The following SHB variants were observed in gnomAD, a reference collection of about 807,000 sequenced individuals.
SHB encodes the protein SH2 domain containing adaptor protein B.
A neutral mutation model predicts 52.3 loss-of-function variants in SHB; 20 were observed. That is an observed-to-expected ratio of 0.38 (90% CI 0.27 to 0.56). The LOEUF is 0.56. SHB is among the 20% of genes least tolerant of loss of function. The probability of loss-of-function intolerance (pLI) is 0.71; values close to 1 mark genes in which losing one functional copy is unlikely to be tolerated. For synonymous variants in SHB, 397 were observed against 316.5 expected, an observed-to-expected ratio of 1.25 and a Z score of -2.70; for missense variants, 825 against 723.3, an observed-to-expected ratio of 1.14 and a Z score of -1.61.
chr9:37,943,981 T>C (rs1221400313), intron 5 of SHB, among the ~76,000 whole-genome samples: 1 of 152,164 alleles, frequency 6.6e-6, no homozygotes, highest in Non-Finnish European at 1.5e-5. Flanking sequence ...GGAAACTGTG[T>C]TAAGAGTTTG....
chr9:38,045,894 A>G (rs1821646124), intron 1 of SHB, among the ~76,000 whole-genome samples: 1 of 152,206 alleles, frequency 6.6e-6, no homozygotes, highest in African/African-American at 2.4e-5. Flanking sequence ...ATGGGTATGT[A>G]TAAAACACAG....
chr9:37,923,687 G>A (rs1832210719), intron 5 of SHB, among the ~76,000 whole-genome samples: 1 of 152,246 alleles, frequency 6.6e-6, no homozygotes, highest in Non-Finnish European at 1.5e-5. Flanking sequence ...AAGGAAGCAT[G>A]AGCACTTCTG....
chr9:38,045,575 C>A (rs1033246518), intron 1 of SHB, among the ~76,000 whole-genome samples: 1 of 152,056 alleles, frequency 6.6e-6, no homozygotes, highest in African/African-American at 2.4e-5. Flanking sequence ...TGTGCCACTG[C>A]GCTTCAGCCT....
intron 1 of SHB, among the ~76,000 whole-genome samples, chr9:38,017,191 C>G (rs1353349800): frequency 6.6e-6 from 1 of 152,232 alleles, no homozygotes; most frequent in African/African-American, 2.4e-5. Context: ...TGGGACTTCC[C>G]TCTTGCCCTT....
chr9:38,045,768 G>C (rs972235470), intron 1 of SHB, among the ~76,000 whole-genome samples: 5 of 152,160 alleles, frequency 3.3e-5, no homozygotes, highest in Non-Finnish European at 5.9e-5. Flanking sequence ...TTTGACATGA[G>C]AACGTGGGCA....
chr9:37,956,860 G>A (rs994201012), intron 3 of SHB, among the ~76,000 whole-genome samples: 1 of 152,228 alleles, frequency 6.6e-6, no homozygotes, highest in African/African-American at 2.4e-5. Flanking sequence ...ATCTCATGGG[G>A]ATTAAAGCAG....
rs113432620 is a variant in SHB at position 37,917,165 on chromosome 9, C to G, written c.*2656G>C. Among the ~76,000 whole-genome samples, 1,109 of 152,102 alleles carry G rather than the reference C, an allele frequency of 7.3e-3. 13 individuals carry two copies. The highest frequency in any genetic ancestry group is 0.025 in the African/African-American group (1,048 of 41,492). ...AAGAAAACATGAATACAGGCTGACA[C>G]AGGAAACGGTCACAATTAGAGGAAG... On this transcript the variant is annotated 3_prime_UTR_variant, in exon 6 of 6. Transcript: ENST00000377707.
intron 4 of SHB, among the ~76,000 whole-genome samples, chr9:37,952,919 C>T (rs1452879374): frequency 6.6e-6 from 1 of 152,010 alleles, no homozygotes; most frequent in Non-Finnish European, 1.5e-5. Flanking sequence ...ACGTAGGAGT[C>T]AGGAGCTCTG....
At chr9:38,045,699 T>G (rs1449229983) in intron 1 of SHB, among the ~76,000 whole-genome samples, 1 of 152,008 alleles carries the variant, frequency 6.6e-6, no homozygotes, top group Non-Finnish European at 1.5e-5. Flanking sequence ...CAACGTGAGA[T>G]CCTACACAGC....
chr9:38,051,342 C>T (rs1821737158), intron 1 of SHB, among the ~76,000 whole-genome samples: 1 of 150,790 alleles, frequency 6.6e-6, no homozygotes, highest in African/African-American at 2.4e-5. Context: ...ACTCGGGAGG[C>T]TGAGGCAGGA....
intron 5 of SHB, among the ~76,000 whole-genome samples, chr9:37,926,137 G>A (rs1190106666): frequency 6.6e-6 from 1 of 152,136 alleles, no homozygotes; most frequent in East Asian, 1.9e-4. Flanking sequence ...GGGTGACCAT[G>A]GCAAGGTACC....
At chr9:37,964,140 G>C (rs150970472) in intron 3 of SHB, among the ~76,000 whole-genome samples, 97 of 152,314 alleles carry the variant, frequency 6.4e-4, no homozygotes, top group African/African-American at 2.0e-3. Context: ...ACCAACAAGA[G>C]GCCTCTGTGT....
At chr9:37,980,902 A>G (rs1285784991) in intron 2 of SHB, among the ~76,000 whole-genome samples, 2 of 151,614 alleles carry the variant, frequency 1.3e-5, no homozygotes, top group East Asian at 3.9e-4. Flanking sequence ...TTTTTTCCTT[A>G]AAGTTGGTCT....
At chr9:38,020,955 C>T (rs574169759) in intron 1 of SHB, among the ~76,000 whole-genome samples, 8 of 152,284 alleles carry the variant, frequency 5.3e-5, no homozygotes, top group African/African-American at 1.9e-4. Context: ...CACCCGGCTA[C>T]AGGAAGGGCT....
At chr9:37,970,084 G>A (rs1820573726) in intron 3 of SHB, among the ~76,000 whole-genome samples, 1 of 152,210 alleles carries the variant, frequency 6.6e-6, no homozygotes, top group Non-Finnish European at 1.5e-5. Flanking sequence ...TCCCTGTGGA[G>A]GCAGAGCTGC....
chr9:37,994,009 C>T (rs1020842282), intron 2 of SHB, among the ~76,000 whole-genome samples: 5 of 152,200 alleles, frequency 3.3e-5, no homozygotes, highest in African/African-American at 1.2e-4. Context: ...CTGGGAGACC[C>T]CAGACAGCAC....
At chr9:37,924,574 GA>G (rs1279331965) in intron 5 of SHB, among the ~76,000 whole-genome samples, 1 of 152,174 alleles carries the variant, frequency 6.6e-6, no homozygotes, top group Non-Finnish European at 1.5e-5. Flanking sequence ...ACCTTAGCTT[GA>G]AAGGTGCATG....
chr9:37,958,110 A>T (rs1832655964), intron 3 of SHB, among the ~76,000 whole-genome samples: 1 of 152,066 alleles, frequency 6.6e-6, no homozygotes, highest in African/African-American at 2.4e-5. Flanking sequence ...GTATGGGAAC[A>T]CTCTGGACTC....
chr9:38,046,219 C>T (rs751109632), intron 1 of SHB, among the ~76,000 whole-genome samples: 3 of 152,136 alleles, frequency 2.0e-5, no homozygotes, highest in African/African-American at 7.2e-5. Flanking sequence ...TGTTTTCAGC[C>T]AGGGTTGGGC....
Sources: allele counts gnomAD v4.1 joint callset (sites outside exome capture counted in the v4.1 genomes callset), GRCh38; gene constraint gnomAD v4.1.1; transcripts MANE v1.5; gene names NCBI Gene and HGNC (gene_info 2026-07-23, HGNC 2026-07-21).